ROBO2: variants seen among roughly 807,000 people sequenced by gnomAD.
The protein encoded by ROBO2 is roundabout guidance receptor 2.
Under a neutral mutation model 160.8 loss-of-function variants are expected in ROBO2, and 53 were observed. The observed-to-expected ratio is 0.33, with a 90% confidence interval of 0.26 to 0.41. ROBO2 has a LOEUF of 0.41. ROBO2 is among the 10% of genes least tolerant of loss of function. The pLI is 1.00. For synonymous variants in ROBO2, 664 were observed against 611.7 expected, an observed-to-expected ratio of 1.09 and a Z score of -1.26; for missense variants, 1,577 against 1,722.4, an observed-to-expected ratio of 0.92 and a Z score of 1.49.
intron 2 of ROBO2, among the ~76,000 whole-genome samples, chr3:75,939,156 T>C (rs1290251136): frequency 1.3e-5 from 2 of 151,936 alleles, no homozygotes; most frequent in Middle Eastern, 3.2e-3. Flanking sequence ...TTTCTGTGGC[T>C]ATGAGTTGTT....
intron 2 of ROBO2, among the ~76,000 whole-genome samples, chr3:76,721,758 A>G (rs2093470738): frequency 6.6e-6 from 1 of 152,238 alleles, no homozygotes; most frequent in African/African-American, 2.4e-5. Flanking sequence ...ATAAGGCTGA[A>G]TAGAGAAACA....
At chr3:75,961,655 C>T (rs1327717962) in intron 2 of ROBO2, among the ~76,000 whole-genome samples, 1 of 151,562 alleles carries the variant, frequency 6.6e-6, no homozygotes, top group Admixed American at 6.6e-5. Context: ...AAACATTTTG[C>T]ACATCTGACT....
At chr3:77,439,897 T>C (rs1322138485) in intron 2 of ROBO2, among the ~76,000 whole-genome samples, 1 of 152,140 alleles carries the variant, frequency 6.6e-6, no homozygotes, top group East Asian at 1.9e-4. Flanking sequence ...TCTTAAGTGG[T>C]TTTTAATTAA....
rs548181159 is a variant in ROBO2 at position 76,701,441 on chromosome 3, A to T, written c.110-396573A>T. ...AATGCAATTTAATTTGATTATTAGC[A>T]TTGTGCTTTAGGTGATTGGATGCTA... On this transcript the variant is annotated intron_variant, in intron 2 of 26. Transcript: ENST00000487694. Among the ~76,000 whole-genome samples the T allele has an allele frequency of 7.9e-5, 12 of 152,204 alleles. No individual in the cohort carries two copies. The South Asian group carries it at 1.7e-3, about 21-fold the overall frequency.
At chr3:76,901,568 C>CAAAAA (rs34372046) in intron 2 of ROBO2, among the ~76,000 whole-genome samples, 4 of 75,816 alleles carry the variant, frequency 5.3e-5, no homozygotes, top group Non-Finnish European at 7.0e-5. Context: ...AATTTCATCT[C>CAAAAA]AAAAAAAAAA....
At chr3:76,075,632 C>T (rs985128327) in intron 2 of ROBO2, among the ~76,000 whole-genome samples, 12 of 152,168 alleles carry the variant, frequency 7.9e-5, no homozygotes, top group Non-Finnish European at 1.6e-4. Flanking sequence ...CCATTCAAAT[C>T]AGTGATTCGC....
intron 2 of ROBO2, among the ~76,000 whole-genome samples, chr3:76,290,159 C>G (rs2132296): frequency 2.0e-5 from 3 of 151,908 alleles, no homozygotes; most frequent in Non-Finnish European, 4.4e-5. Flanking sequence ...GAAATGATTT[C>G]TTTCAGCAGT....
At chr3:76,868,597 C>G (rs944093082) in intron 2 of ROBO2, among the ~76,000 whole-genome samples, 1 of 151,972 alleles carries the variant, frequency 6.6e-6, no homozygotes, top group South Asian at 2.1e-4. Context: ...ATAACTAAGT[C>G]GAATATATGT....
intron 2 of ROBO2, among the ~76,000 whole-genome samples, chr3:76,831,710 A>G (rs1576913916): frequency 6.6e-6 from 1 of 152,170 alleles, no homozygotes. Flanking sequence ...ACTAAGACAA[A>G]CTATTGTTAG....
chr3:76,395,615 C>T (rs1220391049), intron 2 of ROBO2, among the ~76,000 whole-genome samples: 21 of 151,460 alleles, frequency 1.4e-4, no homozygotes, highest in African/African-American at 2.2e-4. Context: ...ATCAAATAGA[C>T]GCAATAAAAA....
intron 2 of ROBO2, among the ~76,000 whole-genome samples, chr3:77,455,597 A>G (rs1029543659): frequency 6.6e-6 from 1 of 151,942 alleles, no homozygotes; most frequent in African/African-American, 2.4e-5. Flanking sequence ...ACGCCCAGCT[A>G]ATTTTTGTAT....
intron 2 of ROBO2, among the ~76,000 whole-genome samples, chr3:75,973,822 T>C (rs2065060004): frequency 6.6e-6 from 1 of 151,432 alleles, no homozygotes; most frequent in Non-Finnish European, 1.5e-5. Context: ...AAAATAATAG[T>C]TGAGATTTCA....
chr3:77,259,773 A>G (rs985403764), intron 2 of ROBO2, among the ~76,000 whole-genome samples: 2 of 152,154 alleles, frequency 1.3e-5, no homozygotes, highest in African/African-American at 4.8e-5. Context: ...CTCCATTGTG[A>G]TGGTTCAGAT....
chr3:76,774,331 A>G (rs185324962), intron 2 of ROBO2, among the ~76,000 whole-genome samples: 1 of 150,940 alleles, frequency 6.6e-6, no homozygotes, highest in Admixed American at 6.6e-5. Context: ...CTGCATTTAC[A>G]TGCAAAAGTG....
At chr3:76,688,335 T>A (rs757053553) in intron 2 of ROBO2, among the ~76,000 whole-genome samples, 9 of 152,002 alleles carry the variant, frequency 5.9e-5, no homozygotes, top group Non-Finnish European at 1.3e-4. Context: ...GGTGATTTTT[T>A]AAGATAGGGG....
chr3:77,233,435 T>C lies in ROBO2; in HGVS notation c.388+135095T>C, dbSNP rs190090380. Reference sequence around the variant, plus strand: ...ACAAGAATACACTATTAGGCCCTGGTGACAGGAGACAAAAGCAACATCTGC... The same window carrying C: ...ACAAGAATACACTATTAGGCCCTGGCGACAGGAGACAAAAGCAACATCTGC... On this transcript the variant is annotated intron_variant, in intron 2 of 25. Transcript: ENST00000461745. 3.2e-4 allele frequency among the ~76,000 whole-genome samples: 48 copies of C among 152,256 alleles called. 1 individual carries two copies. The East Asian group carries it at 9.3e-3, about 29-fold the overall frequency.
chr3:77,001,324 T>G (rs1024340884), intron 2 of ROBO2, among the ~76,000 whole-genome samples: 1 of 152,178 alleles, frequency 6.6e-6, no homozygotes, highest in Admixed American at 6.6e-5. Flanking sequence ...TAACAGTTCA[T>G]AAAATGTGTG....
At chr3:76,030,954 G>A (rs945430065) in intron 2 of ROBO2, among the ~76,000 whole-genome samples, 1 of 152,094 alleles carries the variant, frequency 6.6e-6, no homozygotes, top group African/African-American at 2.4e-5. Context: ...AAATTACCTT[G>A]GGGAGTATGG....
intron 2 of ROBO2, among the ~76,000 whole-genome samples, chr3:77,352,998 G>C (rs577296866): frequency 1.3e-5 from 2 of 152,280 alleles, no homozygotes; most frequent in South Asian, 4.2e-4. Flanking sequence ...GTGTTTGATT[G>C]AATCTCAGTG....
Sources: gnomAD v4.1 joint callset for allele counts (sites outside exome capture counted in the v4.1 genomes callset) on GRCh38, gnomAD v4.1.1 for gene constraint, MANE v1.5 for transcripts, NCBI Gene and HGNC (gene_info 2026-07-23, HGNC 2026-07-21) for gene names.